TAS1R1: variants seen among roughly 807,000 people sequenced by gnomAD.
The protein encoded by TAS1R1 is taste 1 receptor member 1.
A neutral mutation model predicts 45.8 loss-of-function variants in TAS1R1; 31 were observed. That is an observed-to-expected ratio of 0.68 (90% CI 0.51 to 0.91). TAS1R1 has a LOEUF of 0.91. TAS1R1 is among the 40% of genes least tolerant of loss of function. The pLI, the probability that TAS1R1 is intolerant of heterozygous loss-of-function variation, is 0.00. For missense variants in TAS1R1, 1,051 were observed against 1,063.9 expected (o/e 0.99, Z 0.17); for synonymous variants, 437 against 448.4 (o/e 0.97, Z 0.32).
chr1:6,555,866 C>T (rs201099703), intron 1 of TAS1R1, among the ~76,000 whole-genome samples: 44 of 95,322 alleles, frequency 4.6e-4, no homozygotes, highest in Admixed American at 6.2e-4. Flanking sequence ...TTTCCCTCTT[C>T]TTTTTTTTTT....
intron 1 of TAS1R1, among the ~76,000 whole-genome samples, chr1:6,565,397 C>G (rs536923851): frequency 2.6e-5 from 4 of 152,078 alleles, no homozygotes; most frequent in African/African-American, 9.7e-5. Context: ...CTAGGGTGGC[C>G]GCTGCTGCTA....
At chr1:6,570,817 C>A in intron 1 of TAS1R1, 92 bp from the exon 2 acceptor site, 1 of 1,213,354 alleles carries the variant, frequency 8.2e-7, no homozygotes, top group Non-Finnish European at 1.2e-6. Flanking sequence ...CTCAAAGGTT[C>A]CCTTTGCTCC....
At position 6,579,457 on chromosome 1, in the gene TAS1R1, T is replaced by C; in HGVS notation, c.2399T>C (p.Leu800Pro). 6.2e-7 allele frequency: 1 copy of C among 1,614,102 alleles called. No individual in the cohort carries two copies. The highest frequency in any genetic ancestry group is 1.3e-5 in the African/African-American group (1 of 75,060). ...AACATGATGGCTGGGCTGAGCAGCC[T>C]GAGCAGCGGCTTCGGTGGGTATTTT... ...AANMMAGLSS[L>P]SSGFGGYFLP... The change falls in exon 6 of 6, where the codon CTG (leucine) becomes CCG (proline). Residue 800 changes from leucine (L) to proline (P), a missense_variant. By Grantham distance (98) the Leu-to-Pro change is moderately conservative (BLOSUM62 -3). Transcript: ENST00000333172.
At chr1:6,576,370 GGTCTGTGCT>G (rs1557810538) in intron 3 of TAS1R1, 36 bp from the exon 4 acceptor site, 1 of 1,598,220 alleles carries the variant, frequency 6.3e-7, no homozygotes. Flanking sequence ...GGACCATGTG[GGTCTGTGCT>G]GTCTGTGGTG....
intron 3 of TAS1R1, among the ~76,000 whole-genome samples, 158 bp from the exon 4 acceptor site, chr1:6,576,257 G>A (rs2148676193): frequency 6.6e-6 from 1 of 152,320 alleles, no homozygotes; most frequent in South Asian, 2.1e-4. Flanking sequence ...GGAGGTTGGT[G>A]GGGAAGATTG....
At chr1:6,570,685 C>T (rs767597886) in intron 1 of TAS1R1, among the ~76,000 whole-genome samples, 35 of 152,210 alleles carry the variant, frequency 2.3e-4, no homozygotes, top group Admixed American at 1.0e-3. Flanking sequence ...GCAGGTTTCT[C>T]TGCTCCAGGA....
At chr1:6,559,835 C>T (rs111371486) in intron 1 of TAS1R1, among the ~76,000 whole-genome samples, 1,815 of 151,102 alleles carry the variant, frequency 0.012, 30 homozygotes, top group East Asian at 0.055. Context: ...ACTAAAAGTA[C>T]GAAAATGAGC....
Position 6,570,987 on chromosome 1 carries a change from G to A in TAS1R1, c.270G>A (p.Thr90=), listed in dbSNP as rs753409227. The A allele has an allele frequency of 4.1e-5, 66 of 1,613,966 alleles. No individual in the cohort carries two copies. The highest frequency in any genetic ancestry group is 1.5e-4 in the South Asian group (14 of 91,076). The change falls in exon 2 of 6, where the codon ACG becomes ACA. Residue 90 remains threonine, a synonymous_variant. Transcript: ENST00000333172. ...RLGVEEINNS[T]ALLPNITLGY... The stretch of plus-strand genomic sequence containing the variant: ...GGGTTGAGGAGATAAACAACTCCAC[G>A]GCCCTGCTGCCCAACATCACCCTGG...
Position 6,564,807 on chromosome 1 carries a change from G to A in TAS1R1, c.192-6102G>A, listed in dbSNP as rs186223945. Among the ~76,000 whole-genome samples, 3 of 152,326 alleles carry A rather than the reference G, an allele frequency of 2.0e-5. No individual in the cohort carries two copies. In the East Asian group the frequency reaches 5.8e-4, roughly 29 times the overall value. On this transcript the variant is annotated intron_variant, in intron 1 of 5. Transcript: ENST00000333172. ...AAATGCTTCTACCCGCTCAGAGAAG[G>A]TGTCTATAAGAGTAAGAAGAAATTT...
intron 5 of TAS1R1, 81 bp downstream of exon 5, chr1:6,577,151 T>G: frequency 6.3e-7 from 1 of 1,579,632 alleles, no homozygotes; most frequent in Admixed American, 1.8e-5. Context: ...TTGGGCCCCA[T>G]GTGCCCTGCC....
At chr1:6,557,299 T>G (rs1204326495) in intron 1 of TAS1R1, among the ~76,000 whole-genome samples, 7 of 152,110 alleles carry the variant, frequency 4.6e-5, no homozygotes, top group African/African-American at 1.2e-4. Context: ...CCTGAAGAAT[T>G]GTCTCAGGCA....
At chr1:6,573,184 C>G (rs548815931) in intron 2 of TAS1R1, among the ~76,000 whole-genome samples, 4 of 148,148 alleles carry the variant, frequency 2.7e-5, no homozygotes, top group Admixed American at 6.6e-5. Flanking sequence ...GGGCACCGGG[C>G]GCGGGGGCTC....
chr1:6,575,527 G>A, intron 3 of TAS1R1, 135 bp downstream of exon 3: 1 of 1,139,602 alleles, frequency 8.8e-7, no homozygotes, highest in African/African-American at 1.6e-5. Flanking sequence ...GTTTTGTTTT[G>A]TTTTGTTTTT....
chr1:6,568,461 GAAAA>G (rs577853147), intron 1 of TAS1R1, among the ~76,000 whole-genome samples: 1 of 106,332 alleles, frequency 9.4e-6, no homozygotes, highest in Admixed American at 1.0e-4. Context: ...TCTCAAAAAA[GAAAA>G]AAAAAAAAAA....
Position 6,575,028 on chromosome 1 carries a change from C to A in TAS1R1, c.896C>A (p.Ala299Asp). The change falls in exon 3 of 6, where the codon GCC becomes GAC. Residue 299 changes from alanine to aspartate, a missense_variant. Physicochemically the swap from Ala to Asp is moderately radical, Grantham distance 126 (BLOSUM62 -2). Transcript: ENST00000333172. Reference protein sequence around the residue: ...LTNLTGKVWVASEAWALSRHI... With the variant: ...LTNLTGKVWVDSEAWALSRHI... ...AACCTGACTGGCAAGGTGTGGGTCG[C>A]CTCAGAAGCCTGGGCCCTCTCCAGG... 1 of 1,585,942 alleles carries A rather than the reference C, an allele frequency of 6.3e-7. No individual in the cohort carries two copies. The highest frequency in any genetic ancestry group is 8.6e-7 in the Non-Finnish European group (1 of 1,164,448).
At position 6,555,314 on chromosome 1, in the gene TAS1R1, A is replaced by C; in HGVS notation, c.-60A>C. 2 of 1,460,462 alleles carry C rather than the reference A, an allele frequency of 1.4e-6. 1 individual carries two copies. Among genetic ancestry groups the C allele is most frequent in the Non-Finnish European group, 1.8e-6 (2 of 1,102,332 alleles). The allele number at this position is 1,460,462 out of a possible 1,614,324, so 90.5% of individuals were successfully genotyped here. A position where few individuals can be genotyped will look rare whatever the true frequency, so the allele number is the denominator to read the frequency against. ...GCATCCGGCAGCTGCCTTCTATTTA[A>C]GCAACTGGCCTCCTTAGAGGCCACT... is the stretch of plus-strand genomic sequence containing the variant. On this transcript the variant is annotated 5_prime_UTR_variant, in exon 1 of 6. Transcript: ENST00000333172.
In TAS1R1 at chr1:6,567,955, T is replaced by C. The variant is rs546919124; in HGVS notation, c.192-2954T>C. On this transcript the variant is annotated intron_variant, in intron 1 of 5. Coordinates refer to ENST00000333172, the MANE Select transcript of TAS1R1 (RefSeq NM_138697.4). ...TGTGCCCTTGTGTACTATGGCTAGATTGACGGATAGCCACAGCTAGAAGTT... is the reference window on the plus strand; with the variant it reads ...TGTGCCCTTGTGTACTATGGCTAGACTGACGGATAGCCACAGCTAGAAGTT... Among the ~76,000 whole-genome samples the C allele has an allele frequency of 4.6e-5, 7 of 152,258 alleles. No homozygotes were observed. The South Asian group carries it at 1.2e-3, about 27-fold the overall frequency.
Position 6,571,187 on chromosome 1 carries a change from C to T in TAS1R1, c.470C>T (p.Ala157Val), listed in dbSNP as rs1490400362. ...ACCAACCGTGCTGCCACCACAGCCGCCCTGCTGAGCCCTTTCCTGGTGCCC... is the reference window on the plus strand; with the variant it reads ...ACCAACCGTGCTGCCACCACAGCCGTCCTGCTGAGCCCTTTCCTGGTGCCC... ...DSTNRAATTA[A>V]LLSPFLVPMI... is the part of the protein sequence containing the mutation. The change falls in exon 2 of 6, where the codon GCC (alanine) becomes GTC (valine). Residue 157 changes from alanine to valine, a missense_variant. Physicochemically the swap from Ala to Val is moderately conservative, Grantham distance 64. Coordinates refer to ENST00000333172, the MANE Select transcript of TAS1R1 (RefSeq NM_138697.4). 1 of 1,580,074 alleles carries T rather than the reference C, an allele frequency of 6.3e-7. No individual in the cohort carries two copies. The highest frequency in any genetic ancestry group is 1.8e-5 in the Admixed American group (1 of 56,346).
chr1:6,568,393 T>G (rs1639919521), intron 1 of TAS1R1, among the ~76,000 whole-genome samples: 3 of 150,608 alleles, frequency 2.0e-5, no homozygotes, highest in Admixed American at 2.0e-4. Context: ...AGGCGGAGCT[T>G]GCAGTGAGCC....
Sources: gnomAD v4.1 joint callset for allele counts (sites outside exome capture counted in the v4.1 genomes callset) on GRCh38, gnomAD v4.1.1 for gene constraint, MANE v1.5 for transcripts, NCBI Gene and HGNC (gene_info 2026-07-23, HGNC 2026-07-21) for gene names.